Variants in PROM1 observed in about 807,000 individuals in gnomAD.
The protein encoded by PROM1 is prominin-1.
A neutral mutation model predicts 116.9 loss-of-function variants in PROM1; 105 were observed. The ratio of observed to expected loss-of-function variants is 0.90; its 90% confidence interval spans 0.77 to 1.06. The LOEUF is 1.06. Among genes scored for constraint, PROM1 ranks in the 50% least tolerant of loss-of-function variants. The probability of loss-of-function intolerance (pLI) is 0.00; values close to 1 mark genes in which losing one functional copy is unlikely to be tolerated. For missense variants in PROM1, 1,122 were observed against 1,045.2 expected (o/e 1.07, Z -1.01); for synonymous variants, 393 against 387.0 (o/e 1.02, Z -0.18).
At chr4:15,985,132 CT>C (rs527575456) in intron 22 of PROM1, among the ~76,000 whole-genome samples, 146 of 152,190 alleles carry the variant, frequency 9.6e-4, no homozygotes, top group African/African-American at 3.2e-3. Flanking sequence ...CATGTACAGA[CT>C]TTTTTTAATA....
intron 2 of PROM1, among the ~76,000 whole-genome samples, chr4:16,062,204 T>G (rs1450997320): frequency 1.3e-5 from 2 of 152,102 alleles, no homozygotes; most frequent in Non-Finnish European, 2.9e-5. Context: ...AATTTCCCTT[T>G]TAAGAAGACA....
intron 2 of PROM1, among the ~76,000 whole-genome samples, chr4:16,052,115 G>A (rs565029925): frequency 1.3e-5 from 2 of 152,202 alleles, no homozygotes; most frequent in Non-Finnish European, 2.9e-5. Context: ...GAAACCCACA[G>A]CCAGTGTGGA....
chr4:16,059,255 G>A (rs922296920), intron 2 of PROM1, among the ~76,000 whole-genome samples: 1 of 152,176 alleles, frequency 6.6e-6, no homozygotes, highest in Non-Finnish European at 1.5e-5. Context: ...GGCTAAGTGA[G>A]TTACCCTCTC....
At chr4:16,030,461 G>A (rs1328286333) in intron 5 of PROM1, among the ~76,000 whole-genome samples, 3 of 152,056 alleles carry the variant, frequency 2.0e-5, no homozygotes, top group African/African-American at 7.2e-5. Flanking sequence ...ATGTGTAGGA[G>A]GGTATAGAAT....
intron 5 of PROM1, 105 bp downstream of exon 5, chr4:16,033,199 T>C: frequency 1.0e-6 from 1 of 997,868 alleles, no homozygotes; most frequent in East Asian, 2.5e-5. Flanking sequence ...TTTTTTTCAT[T>C]GTTGCTATTT....
At position 16,035,772 on chromosome 4, in the gene PROM1, C is replaced by G. The variant is rs2149393336; in HGVS notation, c.277-11G>C. 1 of 1,613,172 alleles carries G rather than the reference C, an allele frequency of 6.2e-7. No individual in the cohort carries two copies. The highest frequency in any genetic ancestry group is 1.7e-4 in the Middle Eastern group (1 of 6,060). ...GATTACAGTTTCTGGCTGTAGAAGTCAACGCAGGTGAGGAATTTTGGCAGA... is the reference window on the plus strand; with the variant it reads ...GATTACAGTTTCTGGCTGTAGAAGTGAACGCAGGTGAGGAATTTTGGCAGA... On this transcript the variant is annotated splice_polypyrimidine_tract_variant and intron_variant, in intron 3 of 27. Transcript: ENST00000447510.
intron 5 of PROM1, 124 bp from the exon 6 acceptor site, chr4:16,025,436 G>A (rs957747415): frequency 2.7e-5 from 32 of 1,185,006 alleles, no homozygotes; most frequent in Admixed American, 1.4e-4. Context: ...TTCCTCTCCC[G>A]CTGCCCTCTC....
intron 26 of PROM1, among the ~76,000 whole-genome samples, chr4:15,975,643 C>T (rs1715916107): frequency 6.6e-6 from 1 of 152,192 alleles, no homozygotes; most frequent in Non-Finnish European, 1.5e-5. Flanking sequence ...ACCCCTGGGA[C>T]CTCTAGGAGG....
At chr4:16,016,071 T>A in intron 10 of PROM1, 95 bp downstream of exon 10, 21 of 1,129,876 alleles carry the variant, frequency 1.9e-5, no homozygotes, top group Non-Finnish European at 2.7e-5. Flanking sequence ...TCTCTAGAAT[T>A]TCACTGCTTT....
rs575412883 is a variant in PROM1, at chr4:15,986,249, A to C, written c.2131-212T>G. ...TTTACTCTAGCCCAGACACTGGGCT[A>C]GTCCTTGATAGGAATGGCCTTGCTG... On this transcript the variant is annotated intron_variant, in intron 20 of 27. Coordinates refer to ENST00000447510, the MANE Select transcript of PROM1 (RefSeq NM_006017.3). Among the ~76,000 whole-genome samples, 34 of 152,280 alleles carry C rather than the reference A, an allele frequency of 2.2e-4. No individual in the cohort carries two copies. In the South Asian group the frequency reaches 7.0e-3, roughly 32 times the overall value.
At chr4:16,018,914 A>G (rs1729120121) in intron 8 of PROM1, among the ~76,000 whole-genome samples, 1 of 152,224 alleles carries the variant, frequency 6.6e-6, no homozygotes. Flanking sequence ...ATGCACATCA[A>G]AATGGATTAC....
chr4:16,078,887 C>G (rs1744477167), intron 1 of PROM1, among the ~76,000 whole-genome samples: 1 of 152,150 alleles, frequency 6.6e-6, no homozygotes, highest in Non-Finnish European at 1.5e-5. Flanking sequence ...ACAAAGCTAC[C>G]AATACAAGGG....
chr4:16,015,807 G>A (rs1377692055), intron 10 of PROM1, among the ~76,000 whole-genome samples: 1 of 152,096 alleles, frequency 6.6e-6, no homozygotes, highest in African/African-American at 2.4e-5. Flanking sequence ...AGGTGGGTAA[G>A]AGCAAAAAGA....
chr4:15,995,928 C>T (rs1377887354), intron 15 of PROM1, among the ~76,000 whole-genome samples: 1 of 152,184 alleles, frequency 6.6e-6, no homozygotes, highest in Non-Finnish European at 1.5e-5. Context: ...GAGTCTAATT[C>T]AATTTTGTAT....
At chr4:15,979,049 A>C (rs943050334) in intron 26 of PROM1, among the ~76,000 whole-genome samples, 2 of 152,168 alleles carry the variant, frequency 1.3e-5, no homozygotes, top group African/African-American at 4.8e-5. Flanking sequence ...GAAGGAAGGA[A>C]GGAAAAGCTT....
chr4:16,076,568 T>C (rs75349279), intron 1 of PROM1: 4 of 152,502 alleles, frequency 2.6e-5, no homozygotes, highest in African/African-American at 7.2e-5. Context: ...TGATTAACCA[T>C]GTGGCCAAGA....
rs144220309 is a variant in PROM1 at position 15,993,960 on chromosome 4, G to A, written c.1767+27C>T. The stretch of plus-strand genomic sequence containing the variant: ...TAGATTTGGTGAAGGAATGTGTTAT[G>A]TCGATTCCATGACGAGTTCTAATTA... On this transcript the variant is annotated intron_variant, in intron 16 of 27. Transcript: ENST00000447510. The A allele has an allele frequency of 2.2e-3, 3,465 of 1,608,156 alleles. 61 individuals are homozygous for A. The African/African-American group carries it at 0.04, about 18-fold the overall frequency.
intron 15 of PROM1, among the ~76,000 whole-genome samples, chr4:15,995,821 C>G (rs1236324694): frequency 6.6e-6 from 1 of 152,156 alleles, no homozygotes; most frequent in East Asian, 1.9e-4. Flanking sequence ...CTAGAGTAGC[C>G]TCAATACATT....
At chr4:15,979,152 T>C (rs146147529) in intron 26 of PROM1, among the ~76,000 whole-genome samples, 3 of 152,344 alleles carry the variant, frequency 2.0e-5, no homozygotes, top group East Asian at 3.9e-4. Flanking sequence ...CAGCCATACA[T>C]AGCATTTTAA....
Sources: allele counts gnomAD v4.1 joint callset (sites outside exome capture counted in the v4.1 genomes callset), GRCh38; gene constraint gnomAD v4.1.1; transcripts MANE v1.5; gene names NCBI Gene and HGNC (gene_info 2026-07-23, HGNC 2026-07-21).